Variants in THUMPD2 observed in about 807,000 individuals in gnomAD.
THUMPD2 encodes THUMP domain 2 tRNA and snRNA guanosine methyltransferase, also known as U6 snRNA (guanine-N(2))-methyltransferase THUMPD2.
A neutral mutation model predicts 49.4 loss-of-function variants in THUMPD2; 56 were observed. The observed-to-expected ratio is 1.13, with a 90% CI of 0.91 to 1.41. THUMPD2 has a LOEUF of 1.41. Ranked by LOEUF, THUMPD2 falls within the 40% of genes most tolerant of loss-of-function variation. The pLI, the probability that THUMPD2 is intolerant of heterozygous loss-of-function variation, is 0.00. For missense variants in THUMPD2, 709 were observed against 594.5 expected (o/e 1.19, Z -2.00); for synonymous variants, 237 against 205.2 (o/e 1.15, Z -1.32).
intron 1 of THUMPD2, 106 bp downstream of exon 1, chr2:39,779,008 A>C: frequency 1.5e-6 from 2 of 1,318,654 alleles, no homozygotes; most frequent in South Asian, 1.8e-5. Flanking sequence ...GTCGCGTGGA[A>C]CAGAGAGGGG....
intron 9 of THUMPD2, among the ~76,000 whole-genome samples, chr2:39,743,248 A>T (rs1674136239): frequency 6.6e-6 from 1 of 152,208 alleles, no homozygotes; most frequent in Non-Finnish European, 1.5e-5. Flanking sequence ...ACAATTTAGT[A>T]TCAACTGACC....
In THUMPD2 at chr2:39,755,974, T is replaced by C. The variant is rs770705201; in HGVS notation, c.892-14A>G. The C allele has an allele frequency of 1.2e-6, 2 of 1,612,400 alleles. No homozygotes were observed. The highest frequency in any genetic ancestry group is 1.1e-5 in the South Asian group (1 of 91,044). On this transcript the variant is annotated splice_polypyrimidine_tract_variant and intron_variant, in intron 6 of 9. Coordinates refer to ENST00000505747, the MANE Select transcript of THUMPD2 (RefSeq NM_025264.5). ...AAATGCACCAGCCTGCAGACAGAAA[T>C]ATTAATTTGGTATTATTAAGACTAC...
chr2:39,779,235 G>A lies in THUMPD2; in HGVS notation c.5C>T (p.Ser2Leu), dbSNP rs912520907. The part of the protein sequence containing the change: M[S>L]EARGEPGSGP... ...GGACCCTGGCTCTCCACGCGCCTCC[G>A]ACATGGCGGCTCAGGCGCGCCCTCG... Residue 2 changes from serine (S) to leucine (L), a missense_variant, in exon 1 of 10, where the codon TCG (serine) becomes TTG (leucine). Physicochemically the swap from Ser to Leu is moderately radical, Grantham distance 145 (BLOSUM62 -2). Coordinates refer to ENST00000505747, the MANE Select transcript of THUMPD2 (RefSeq NM_025264.5). The A allele has an allele frequency of 5.0e-5, 74 of 1,493,160 alleles. No individual in the cohort carries two copies. The highest frequency in any genetic ancestry group is 6.2e-5 in the Non-Finnish European group (70 of 1,128,384). The allele number at this position is 1,493,160 out of a possible 1,614,324, so 92.5% of individuals were successfully genotyped here.
chr2:39,768,648 A>G (rs1004131990), intron 3 of THUMPD2, 147 bp from the exon 4 acceptor site: 2 of 753,518 alleles, frequency 2.7e-6, no homozygotes, highest in Non-Finnish European at 4.3e-6. Context: ...ATTGTACATG[A>G]AAGCATTTCC....
intron 1 of THUMPD2, among the ~76,000 whole-genome samples, chr2:39,777,266 C>T (rs1679235955): frequency 6.6e-6 from 1 of 152,010 alleles, no homozygotes. Context: ...AGTAATTTGC[C>T]CAAAGTTACA....
intron 1 of THUMPD2, among the ~76,000 whole-genome samples, chr2:39,773,312 A>G (rs1678584463): frequency 6.6e-6 from 1 of 152,048 alleles, no homozygotes; most frequent in Non-Finnish European, 1.5e-5. Context: ...CTTTACTAAG[A>G]TTCTGGGGGA....
At chr2:39,739,350 GA>G (rs1236716591) in intron 9 of THUMPD2, among the ~76,000 whole-genome samples, 1 of 152,076 alleles carries the variant, frequency 6.6e-6, no homozygotes, top group Non-Finnish European at 1.5e-5. Context: ...AGGACATTTG[GA>G]ATTGCTGTTC....
At chr2:39,771,818 C>T (rs188195109) in intron 1 of THUMPD2, among the ~76,000 whole-genome samples, 178 bp from the exon 2 acceptor site, 34 of 152,244 alleles carry the variant, frequency 2.2e-4, no homozygotes, top group Middle Eastern at 3.4e-3. Flanking sequence ...TCCTTATAAC[C>T]ACCCTCTAAG....
At position 39,779,204 on chromosome 2, in the gene THUMPD2, AG is replaced by A; in HGVS notation, c.35del (p.Pro12LeufsTer19). 2.6e-6 allele frequency: 4 copies of A among 1,511,328 alleles called. 1 individual carries two copies. The South Asian group carries it at 4.9e-5, about 19-fold the overall frequency. The allele number at this position is 1,511,328 out of a possible 1,614,324, so 93.6% of individuals were successfully genotyped here. On this transcript the variant is annotated frameshift_variant, in exon 1 of 10. Transcript: ENST00000505747. LOFTEE classifies it high-confidence loss of function. Reference protein sequence around the residue: ...SEARGEPGSGPEAGARFFCTA... With the variant: ...SEARGEPGSGXEAGARFFCTA... ...TGCAGAAGAATCGGGCGCCAGCCTC[AG>A]GCCCGGACCCTGGCTCTCCACGCGC...
intron 7 of THUMPD2, among the ~76,000 whole-genome samples, chr2:39,755,615 C>T (rs1349472834): frequency 6.6e-6 from 1 of 152,122 alleles, no homozygotes; most frequent in Non-Finnish European, 1.5e-5. Context: ...TTAACATTTA[C>T]AATGACAAGT....
At position 39,750,528 on chromosome 2, in the gene THUMPD2, G is replaced by A. The variant is rs573965298; in HGVS notation, c.1078+4767C>T. On this transcript the variant is annotated intron_variant, in intron 8 of 9. Coordinates refer to ENST00000505747, the MANE Select transcript of THUMPD2 (RefSeq NM_025264.5). ...TTGCGACCAGCCTGGGCAACATGGC[G>A]AAACCTTGTCTTTACTAAAAATATA... Among the ~76,000 whole-genome samples, 19 of 151,934 alleles carry A rather than the reference G, an allele frequency of 1.3e-4. No homozygotes were observed. The South Asian group carries it at 2.1e-3, about 17-fold the overall frequency.
chr2:39,749,552 A>C (rs968835744), intron 8 of THUMPD2, among the ~76,000 whole-genome samples: 37 of 152,222 alleles, frequency 2.4e-4, no homozygotes, highest in African/African-American at 8.9e-4. Context: ...TGCATGTGAT[A>C]AATTGTTGGC....
intron 9 of THUMPD2, among the ~76,000 whole-genome samples, chr2:39,740,341 C>G (rs1673734948): frequency 1.3e-5 from 2 of 152,062 alleles, no homozygotes; most frequent in Non-Finnish European, 2.9e-5. Flanking sequence ...AACAACTGAT[C>G]AGAAAGGAGA....
intron 1 of THUMPD2, among the ~76,000 whole-genome samples, chr2:39,777,106 C>T (rs1039348432): frequency 2.6e-5 from 4 of 152,122 alleles, no homozygotes; most frequent in African/African-American, 9.7e-5. Context: ...TATTCCTGTA[C>T]AACTCATTGT....
intron 9 of THUMPD2, among the ~76,000 whole-genome samples, chr2:39,742,295 A>G (rs1673994803): frequency 6.6e-6 from 1 of 152,216 alleles, no homozygotes. Context: ...CATACACTTT[A>G]AACTGGTCCC....
At chr2:39,743,252 A>T (rs1046431808) in intron 9 of THUMPD2, among the ~76,000 whole-genome samples, 1 of 152,216 alleles carries the variant, frequency 6.6e-6, no homozygotes, top group African/African-American at 2.4e-5. Context: ...TTTAGTATCA[A>T]CTGACCTCTT....
chr2:39,750,501 G>C (rs947825403), intron 8 of THUMPD2, among the ~76,000 whole-genome samples: 2 of 152,150 alleles, frequency 1.3e-5, no homozygotes, highest in African/African-American at 4.8e-5. Context: ...GAGCTCAGGA[G>C]TTTGCGACCA....
chr2:39,761,452 C>G, intron 5 of THUMPD2, 34 bp from the exon 6 acceptor site: 1 of 1,566,960 alleles, frequency 6.4e-7, no homozygotes, highest in Non-Finnish European at 8.8e-7. Flanking sequence ...TATATTATTA[C>G]ACATTGAACA....
rs747352520 is a variant in THUMPD2 at position 39,766,076 on chromosome 2, C to A, written c.784G>T (p.Val262Leu). ...FIHLNDIYSV[V>L]GIPVFRVSLA... Reference sequence around the variant, plus strand: ...ATCTACCTGAACACAGGAATCCCCACCACAGAGTAAATGTCATTTAGATGT... The same window carrying A: ...ATCTACCTGAACACAGGAATCCCCAACACAGAGTAAATGTCATTTAGATGT... Residue 262 changes from valine (V) to leucine (L), a missense_variant, in exon 5 of 10, where the codon GTG (valine) becomes TTG (leucine). Physicochemically the swap from Val to Leu is conservative, Grantham distance 32 (BLOSUM62 1). Transcript: ENST00000505747. 2.8e-5 allele frequency: 44 copies of A among 1,584,926 alleles called. No individual in the cohort carries two copies. Among genetic ancestry groups the A allele is most frequent in the Non-Finnish European group, 3.8e-5 (44 of 1,169,738 alleles).
Sources: gnomAD v4.1 joint callset for allele counts (sites outside exome capture counted in the v4.1 genomes callset) on GRCh38, gnomAD v4.1.1 for gene constraint, MANE v1.5 for transcripts, NCBI Gene and HGNC (gene_info 2026-07-23, HGNC 2026-07-21) for gene names.